The following CIRSR variants were observed in gnomAD, a reference collection of about 807,000 sequenced individuals.
CIRSR encodes the protein CBF1 (RBPJ) interacting corepressor 1.
At chr2:174,373,834 G>A in the CIRSR span, among the ~76,000 whole-genome samples, 1 of 86,584 alleles carries the variant, frequency 1.2e-5, no homozygotes, top group African/African-American at 4.4e-5. Context: ...CCCCCTGTGT[G>A]TGTGTGTGTA....
At chr2:174,369,948 G>A in the CIRSR span, 15 of 1,360,262 alleles carry the variant, frequency 1.1e-5, no homozygotes, top group South Asian at 1.5e-4. Flanking sequence ...CATACGGTTG[G>A]AAAACTGGTG....
the CIRSR span, among the ~76,000 whole-genome samples, chr2:174,354,575 T>A: frequency 2.0e-4 from 3 of 15,360 alleles, no homozygotes; most frequent in South Asian, 3.6e-3. Flanking sequence ...TATATTATAT[T>A]ATATATTATA....
chr2:174,352,981 AG>A, the CIRSR span, among the ~76,000 whole-genome samples: 1 of 152,236 alleles, frequency 6.6e-6, no homozygotes, highest in Non-Finnish European at 1.5e-5. Context: ...TATCATGGAA[AG>A]CAAAAGGCAA....
chr2:174,348,775 A>G, the CIRSR span: 1 of 1,613,824 alleles, frequency 6.2e-7, no homozygotes, highest in Non-Finnish European at 8.5e-7. Flanking sequence ...TGGGTTCTGG[A>G]CTTTTTGTCA....
At chr2:174,370,790 A>G in the CIRSR span, among the ~76,000 whole-genome samples, 7 of 152,062 alleles carry the variant, frequency 4.6e-5, no homozygotes, top group African/African-American at 1.4e-4. Context: ...AGGCGCCTGT[A>G]GTCCCAGCTA....
the CIRSR span, among the ~76,000 whole-genome samples, chr2:174,361,551 C>T: frequency 6.6e-6 from 1 of 152,192 alleles, no homozygotes; most frequent in African/African-American, 2.4e-5. Context: ...GGAGGAGAAG[C>T]ATGTGCAGCG....
chr2:174,395,512 CCCTGTGGG>C, the CIRSR span: 2 of 1,592,208 alleles, frequency 1.3e-6, no homozygotes, highest in Non-Finnish European at 1.7e-6. Context: ...GGAAGGCGGT[CCCTGTGGG>C]CCTAATCCCT....
chr2:174,383,236 C>T, the CIRSR span, among the ~76,000 whole-genome samples: 1 of 152,062 alleles, frequency 6.6e-6, no homozygotes, highest in African/African-American at 2.4e-5. Context: ...CTGCTCAGTG[C>T]TGAGAGGTAG....
At chr2:174,389,475 C>A in the CIRSR span, among the ~76,000 whole-genome samples, 1 of 152,032 alleles carries the variant, frequency 6.6e-6, no homozygotes, top group African/African-American at 2.4e-5. Flanking sequence ...TTAAGGTATC[C>A]GGTAGAAGAA....
the CIRSR span, chr2:174,381,828 ATT>A: frequency 1.6e-6 from 2 of 1,252,706 alleles, no homozygotes; most frequent in Non-Finnish European, 2.2e-6. Context: ...AAAAAAAAAA[ATT>A]ATAGAATAAT....
At chr2:174,394,750 A>C in the CIRSR span, among the ~76,000 whole-genome samples, 12 of 152,178 alleles carry the variant, frequency 7.9e-5, no homozygotes, top group Non-Finnish European at 1.5e-4. Flanking sequence ...AACAAATAAA[A>C]GCTTAGTTAT....
At chr2:174,373,259 G>A in the CIRSR span, among the ~76,000 whole-genome samples, 9 of 151,050 alleles carry the variant, frequency 6.0e-5, no homozygotes, top group Non-Finnish European at 1.2e-4. Context: ...AGTTTGAATG[G>A]AAAAACTGGA....
At chr2:174,387,553 C>A in the CIRSR span, 1 of 915,520 alleles carries the variant, frequency 1.1e-6, no homozygotes, top group Non-Finnish European at 1.6e-6. Flanking sequence ...AAAGAGATAG[C>A]CCTCACGGAA....
At chr2:174,357,879 T>G in the CIRSR span, among the ~76,000 whole-genome samples, 2 of 152,194 alleles carry the variant, frequency 1.3e-5, no homozygotes. Context: ...TGATTTTTAT[T>G]TATATAGATG....
At chr2:174,363,821 C>G in the CIRSR span, among the ~76,000 whole-genome samples, 1 of 152,160 alleles carries the variant, frequency 6.6e-6, no homozygotes, top group African/African-American at 2.4e-5. Flanking sequence ...GATTCAATTA[C>G]CTCCCACTGG....
At chr2:174,392,245 C>T in the CIRSR span, among the ~76,000 whole-genome samples, 2 of 152,176 alleles carry the variant, frequency 1.3e-5, no homozygotes, top group South Asian at 4.1e-4. Context: ...GATCCACCCA[C>T]CTCAGCCACC....
the CIRSR span, among the ~76,000 whole-genome samples, chr2:174,371,649 A>T: frequency 6.6e-6 from 1 of 152,246 alleles, no homozygotes; most frequent in Non-Finnish European, 1.5e-5. Flanking sequence ...TTTGCAAAGG[A>T]GAAGTAAATC....
chr2:174,350,759 G>A, the CIRSR span: 1 of 1,568,346 alleles, frequency 6.4e-7, no homozygotes, highest in East Asian at 2.3e-5. Flanking sequence ...AGTCAACAAA[G>A]ATATCATTAA....
chr2:174,382,283 G>T, the CIRSR span, among the ~76,000 whole-genome samples: 2 of 152,138 alleles, frequency 1.3e-5, no homozygotes, highest in Non-Finnish European at 2.9e-5. Context: ...ATCCAATCAG[G>T]GCTTGTAAGA....
Sources: gnomAD v4.1 joint callset for allele counts (sites outside exome capture counted in the v4.1 genomes callset) on GRCh38, gnomAD v4.1.1 for gene constraint, MANE v1.5 for transcripts, NCBI Gene and HGNC (gene_info 2026-07-23, HGNC 2026-07-21) for gene names.